PALD1: variants seen among roughly 807,000 people sequenced by gnomAD.
PALD1 encodes the protein paladin.
A neutral mutation model predicts 96.0 loss-of-function variants in PALD1; 57 were observed. The observed-to-expected ratio is 0.59, with a 90% CI of 0.48 to 0.74. The LOEUF (loss-of-function observed/expected upper bound fraction) is 0.74, where lower values mean the gene tolerates loss of function less well. Among genes scored for constraint, PALD1 ranks in the 30% least tolerant of loss-of-function variants. PALD1 has a pLI of 0.00. For missense variants in PALD1, 1,063 were observed against 1,143.7 expected (o/e 0.93, Z 1.02); for synonymous variants, 464 against 473.6 (o/e 0.98, Z 0.26).
intron 18 of PALD1, among the ~76,000 whole-genome samples, chr10:70,553,201 C>A (rs892442066): frequency 6.6e-6 from 1 of 152,216 alleles, no homozygotes; most frequent in East Asian, 1.9e-4. Flanking sequence ...AACTGCGATA[C>A]TTCCAGAACG....
intron 18 of PALD1, among the ~76,000 whole-genome samples, chr10:70,549,362 C>T (rs2132418815): frequency 6.6e-6 from 1 of 152,362 alleles, no homozygotes; most frequent in African/African-American, 2.4e-5. Flanking sequence ...GCATCTTAGA[C>T]CTTCCATCCC....
intron 1 of PALD1, among the ~76,000 whole-genome samples, chr10:70,515,988 T>C (rs929348235): frequency 6.6e-6 from 1 of 152,146 alleles, no homozygotes; most frequent in African/African-American, 2.4e-5. Flanking sequence ...CTAACAGATA[T>C]TTATTAAACT....
chr10:70,513,336 A>AAAT (rs1846553842), intron 1 of PALD1, among the ~76,000 whole-genome samples: 9 of 151,946 alleles, frequency 5.9e-5, no homozygotes, highest in African/African-American at 7.2e-5. Flanking sequence ...CTCTGCAAAA[A>AAAT]AAATAAATAA....
the PALD1 span, among the ~76,000 whole-genome samples, chr10:70,470,947 A>G: frequency 2.0e-5 from 3 of 150,358 alleles, 1 homozygote; most frequent in Admixed American, 2.0e-4. Flanking sequence ...GATTACAGGC[A>G]TGCGCCACCA....
intron 19 of PALD1, among the ~76,000 whole-genome samples, chr10:70,565,929 G>A (rs1407297998): frequency 6.6e-6 from 1 of 152,184 alleles, no homozygotes; most frequent in Non-Finnish European, 1.5e-5. Flanking sequence ...AGAAAGGAGG[G>A]CTGCCGGTCC....
At chr10:70,462,167 T>C in the PALD1 span, among the ~76,000 whole-genome samples, 1 of 152,246 alleles carries the variant, frequency 6.6e-6, no homozygotes, top group Non-Finnish European at 1.5e-5. Context: ...TGATCTCACC[T>C]GTCTCTTTTT....
chr10:70,467,928 A>G, the PALD1 span, among the ~76,000 whole-genome samples: 1 of 152,082 alleles, frequency 6.6e-6, no homozygotes, highest in Admixed American at 6.6e-5. Flanking sequence ...AGTTATCTGA[A>G]GTTCGCCACC....
In PALD1 at chr10:70,537,803, T is replaced by C. The variant is rs1269043889; in HGVS notation, c.1228-8T>C. The C allele has an allele frequency of 6.2e-7, 1 of 1,600,106 alleles. No homozygotes were observed. Among genetic ancestry groups the C allele is most frequent in the African/African-American group, 1.3e-5 (1 of 74,810 alleles). ...AGTCTGTCCTTAACACCCTGTCCTCTCTCTCAGGGAAGCGGCAGCCGACAC... is the reference window on the plus strand; with the variant it reads ...AGTCTGTCCTTAACACCCTGTCCTCCCTCTCAGGGAAGCGGCAGCCGACAC... On this transcript the variant is annotated splice_region_variant and splice_polypyrimidine_tract_variant and intron_variant, in intron 10 of 19. Transcript: ENST00000263563.
intron 1 of PALD1, among the ~76,000 whole-genome samples, chr10:70,492,648 G>C (rs1467936510): frequency 6.6e-6 from 1 of 151,672 alleles, no homozygotes; most frequent in East Asian, 1.9e-4. Flanking sequence ...GTAGAGATGG[G>C]GTTTCACCAT....
the PALD1 span, among the ~76,000 whole-genome samples, chr10:70,464,786 C>T: frequency 3.3e-5 from 5 of 150,930 alleles, no homozygotes; most frequent in South Asian, 2.1e-4. Context: ...CCACCACGCC[C>T]GGCTAATTTT....
intron 8 of PALD1, 32 bp downstream of exon 8, chr10:70,534,105 G>T (rs1243826044): frequency 2.6e-6 from 4 of 1,542,692 alleles, no homozygotes; most frequent in Non-Finnish European, 3.5e-6. Flanking sequence ...GTCCTGAAGG[G>T]CTGTGGGGCC....
chr10:70,504,944 C>T (rs1462381228), intron 1 of PALD1, among the ~76,000 whole-genome samples: 1 of 152,160 alleles, frequency 6.6e-6, no homozygotes, highest in Non-Finnish European at 1.5e-5. Context: ...CATTTTGTAC[C>T]TCGTCACGTT....
Position 70,566,851 on chromosome 10 carries a change from C to T in PALD1, c.*118C>T. 1.6e-6 allele frequency: 1 copy of T among 643,208 alleles called. No individual in the cohort carries two copies. The highest frequency in any genetic ancestry group is 2.1e-5 in the South Asian group (1 of 48,336). 39.8% of individuals were successfully genotyped at this position (643,208 alleles called of 1,614,324 possible). ...TGGCCTTGAAATGATTCCCCCACTT[C>T]CTGGAGAGACTGAGCGGAGTTGGGA... is the stretch of plus-strand genomic sequence containing the variant. On this transcript the variant is annotated 3_prime_UTR_variant, in exon 20 of 20. Transcript: ENST00000263563.
intron 1 of PALD1, among the ~76,000 whole-genome samples, chr10:70,489,892 A>G (rs553119052): frequency 2.6e-5 from 4 of 152,250 alleles, no homozygotes; most frequent in African/African-American, 9.6e-5. Flanking sequence ...ATGAAATCAT[A>G]CAACATATGG....
At chr10:70,534,586 C>A in intron 9 of PALD1, 62 bp downstream of exon 9, 1 of 1,267,850 alleles carries the variant, frequency 7.9e-7, no homozygotes, top group East Asian at 2.4e-5. Context: ...ACTCCTCTCA[C>A]TGGTCGGGGC....
At chr10:70,463,261 G>A in the PALD1 span, among the ~76,000 whole-genome samples, 7 of 152,096 alleles carry the variant, frequency 4.6e-5, no homozygotes, top group South Asian at 2.1e-4. Flanking sequence ...AAAATTAGCC[G>A]GGCATGGTGG....
In PALD1 at chr10:70,541,107, T is replaced by G; in HGVS notation, c.1914T>G (p.Phe638Leu). 3 of 1,601,554 alleles carry G rather than the reference T, an allele frequency of 1.9e-6. No individual in the cohort carries two copies. In the African/African-American group the frequency reaches 4.0e-5, roughly 22 times the overall value. The change falls in exon 16 of 20, where the codon TTT becomes TTG. Residue 638 changes from phenylalanine to leucine, a missense_variant. Transcript: ENST00000263563. ...ACCTTGCTTTTCTCGTCCAGGACTT[T>G]GACCAGCTGCTGGAGGCCCTGCGGG... The part of the protein sequence containing the change: ...PDFCAPREED[F>L]DQLLEALRAA...
intron 1 of PALD1, among the ~76,000 whole-genome samples, chr10:70,516,950 T>C (rs1846631751): frequency 6.6e-6 from 1 of 152,118 alleles, no homozygotes; most frequent in Non-Finnish European, 1.5e-5. Flanking sequence ...CAGCATGTCC[T>C]AGTGTGGACC....
chr10:70,529,135 T>G, intron 2 of PALD1, 94 bp from the exon 3 acceptor site: 4 of 633,184 alleles, frequency 6.3e-6, no homozygotes, highest in Admixed American at 2.3e-5. Context: ...GCCACAGGGG[T>G]TTTCCTGCGG....
Sources: allele counts gnomAD v4.1 joint callset (sites outside exome capture counted in the v4.1 genomes callset), GRCh38; gene constraint gnomAD v4.1.1; transcripts MANE v1.5; gene names NCBI Gene and HGNC (gene_info 2026-07-23, HGNC 2026-07-21).